Variants in LRRFIP2 observed in about 807,000 individuals in gnomAD.
LRRFIP2 encodes LRR binding FLII interacting protein 2.
LRRFIP2 carries 109 observed loss-of-function variants against 125.9 expected under a neutral mutation model. The ratio of observed to expected loss-of-function variants is 0.87; its 90% CI spans 0.74 to 1.01. The LOEUF (loss-of-function observed/expected upper bound fraction) is 1.01. LRRFIP2 is among the 50% of genes least tolerant of loss of function. LRRFIP2 has a pLI of 0.00. For synonymous variants in LRRFIP2, 291 were observed against 293.1 expected (o/e 0.99, Z 0.07); for missense variants, 850 against 862.3 (o/e 0.99, Z 0.18).
intron 19 of LRRFIP2, among the ~76,000 whole-genome samples, chr3:37,075,728 A>G (rs570328187): frequency 3.0e-4 from 45 of 152,266 alleles, no homozygotes; most frequent in African/African-American, 1.0e-3. Context: ...AAAGAAAAAC[A>G]CAAGAAAAAG....
intron 25 of LRRFIP2, among the ~76,000 whole-genome samples, chr3:37,057,609 C>A (rs997046409): frequency 4.6e-5 from 7 of 151,826 alleles, no homozygotes; most frequent in Admixed American, 2.0e-4. Flanking sequence ...CTCAAGCAAT[C>A]CACCACCTCA....
At chr3:37,150,009 AC>A (rs1371570470) in intron 1 of LRRFIP2, among the ~76,000 whole-genome samples, 1 of 151,768 alleles carries the variant, frequency 6.6e-6, no homozygotes, top group Admixed American at 6.6e-5. Context: ...TCAAAAAAAA[AC>A]AAAAACAAAC....
intron 1 of LRRFIP2, among the ~76,000 whole-genome samples, chr3:37,154,990 T>G (rs1159828177): frequency 1.3e-5 from 2 of 152,194 alleles, no homozygotes; most frequent in African/African-American, 4.8e-5. Context: ...AAGAAAACAT[T>G]TCATAGTTAT....
intron 4 of LRRFIP2, among the ~76,000 whole-genome samples, chr3:37,123,169 A>ATT (rs567596329): frequency 6.7e-6 from 1 of 148,696 alleles, no homozygotes; most frequent in African/African-American, 2.6e-5. Flanking sequence ...ACTGATTTAC[A>ATT]TTTGTTGTTG....
At chr3:37,075,183 A>G in intron 19 of LRRFIP2, 67 bp from the exon 20 acceptor site, 3 of 1,076,688 alleles carry the variant, frequency 2.8e-6, no homozygotes, top group Non-Finnish European at 4.3e-6. Flanking sequence ...CATACACAAT[A>G]CAACACAGAG....
At chr3:37,159,130 G>A (rs1353181532) in intron 1 of LRRFIP2, among the ~76,000 whole-genome samples, 1 of 151,884 alleles carries the variant, frequency 6.6e-6, no homozygotes, top group Non-Finnish European at 1.5e-5. Context: ...CTTATATTTA[G>A]GTCCATGATC....
intron 15 of LRRFIP2, among the ~76,000 whole-genome samples, chr3:37,097,360 C>T (rs2093775995): frequency 6.6e-6 from 1 of 152,158 alleles, no homozygotes; most frequent in Admixed American, 6.5e-5. Flanking sequence ...TTTCCCCTTA[C>T]CAAGTCTCAG....
chr3:37,108,054 C>A lies in LRRFIP2; in HGVS notation c.714+19G>T. The A allele has an allele frequency of 6.2e-7, 1 of 1,608,638 alleles. No homozygotes were observed. The highest frequency in any genetic ancestry group is 8.5e-7 in the Non-Finnish European group (1 of 1,176,030). On this transcript the variant is annotated intron_variant, in intron 13 of 27. Transcript: ENST00000336686. ...CAATCAAAAATTTCTACAAAGCATGCAGAGACTAGACAGCTCACCCCTGGA... is the reference window on the plus strand; with the variant it reads ...CAATCAAAAATTTCTACAAAGCATGAAGAGACTAGACAGCTCACCCCTGGA...
At chr3:37,157,808 T>C (rs1476599585) in intron 1 of LRRFIP2, among the ~76,000 whole-genome samples, 7 of 152,168 alleles carry the variant, frequency 4.6e-5, no homozygotes, top group Non-Finnish European at 7.4e-5. Flanking sequence ...TTAGAAACTA[T>C]AATGGTTAAC....
At chr3:37,063,622 T>C in intron 24 of LRRFIP2, 120 bp downstream of exon 24, 1 of 765,090 alleles carries the variant, frequency 1.3e-6, no homozygotes, top group East Asian at 2.5e-5. Flanking sequence ...ATCCTTCATA[T>C]CTCACTTGAG....
At chr3:37,170,131 T>C (rs2096565348) in intron 1 of LRRFIP2, among the ~76,000 whole-genome samples, 1 of 152,150 alleles carries the variant, frequency 6.6e-6, no homozygotes, top group Non-Finnish European at 1.5e-5. Context: ...TGCAAATAAC[T>C]GAAGGCAAAG....
In LRRFIP2 at chr3:37,152,052, A is replaced by G. The variant is rs527268297; in HGVS notation, c.-55-3014T>C. On this transcript the variant is annotated intron_variant, in intron 1 of 27. Transcript: ENST00000336686. ...CAAAACAATTCACAATTGCAAAGAT[A>G]CGGAAAAAACACAAGTGCTCATCAA... Among the ~76,000 whole-genome samples the G allele has an allele frequency of 2.0e-5, 3 of 152,338 alleles. No homozygotes were observed. In the East Asian group the frequency reaches 5.8e-4, roughly 29 times the overall value.
At chr3:37,056,463 T>TC (rs1401534615) in intron 25 of LRRFIP2, among the ~76,000 whole-genome samples, 1 of 152,052 alleles carries the variant, frequency 6.6e-6, no homozygotes, top group East Asian at 1.9e-4. Flanking sequence ...TTTTTCTTTT[T>TC]TTTTTTTTGA....
At chr3:37,065,665 G>T (rs1443620435) in intron 23 of LRRFIP2, 145 bp downstream of exon 23, 2 of 967,568 alleles carry the variant, frequency 2.1e-6, no homozygotes, top group Admixed American at 1.9e-5. Context: ...AAGACAATGT[G>T]CCAATGTGCC....
intron 4 of LRRFIP2, among the ~76,000 whole-genome samples, chr3:37,125,140 G>A (rs1374566470): frequency 6.6e-6 from 1 of 152,148 alleles, no homozygotes; most frequent in African/African-American, 2.4e-5. Flanking sequence ...TTCACCTGAA[G>A]GGAGGATGAA....
At chr3:37,149,661 C>T (rs2095959234) in intron 1 of LRRFIP2, among the ~76,000 whole-genome samples, 1 of 152,136 alleles carries the variant, frequency 6.6e-6, no homozygotes, top group African/African-American at 2.4e-5. Context: ...CTTATAGTTA[C>T]AAAAGTAACT....
At chr3:37,162,317 T>C (rs2096370335) in intron 1 of LRRFIP2, among the ~76,000 whole-genome samples, 1 of 152,120 alleles carries the variant, frequency 6.6e-6, no homozygotes, top group African/African-American at 2.4e-5. Context: ...TCTTAGTGAA[T>C]TTTAAACAAT....
intron 21 of LRRFIP2, among the ~76,000 whole-genome samples, chr3:37,070,494 G>A (rs1344801799): frequency 6.6e-6 from 1 of 151,948 alleles, no homozygotes; most frequent in Non-Finnish European, 1.5e-5. Context: ...CCACCACTTT[G>A]GAAGGCCGAG....
intron 14 of LRRFIP2, among the ~76,000 whole-genome samples, chr3:37,104,452 C>T (rs951548203): frequency 6.6e-6 from 1 of 152,146 alleles, no homozygotes; most frequent in Non-Finnish European, 1.5e-5. Flanking sequence ...GGAACTAAAA[C>T]GGCTTTAATT....
Sources: gnomAD v4.1 joint callset for allele counts (sites outside exome capture counted in the v4.1 genomes callset) on GRCh38, gnomAD v4.1.1 for gene constraint, MANE v1.5 for transcripts, NCBI Gene and HGNC (gene_info 2026-07-23, HGNC 2026-07-21) for gene names.